The following SCLT1 variants were observed in gnomAD, a reference collection of about 807,000 sequenced individuals.
The protein encoded by SCLT1 is sodium channel-associated protein 1.
In SCLT1, 78 loss-of-function variants were observed where a neutral mutation model predicts 112.8. That is an observed-to-expected ratio of 0.69 (90% CI 0.58 to 0.83). The LOEUF (loss-of-function observed/expected upper bound fraction) is 0.83. Ranked by LOEUF, SCLT1 falls within the 40% of genes least tolerant of loss-of-function variation. The pLI is 0.00. For synonymous variants in SCLT1, 257 were observed against 254.7 expected (o/e 1.01, Z -0.09); for missense variants, 747 against 770.4 (o/e 0.97, Z 0.36).
At chr4:128,941,238 T>C (rs917941448) in intron 17 of SCLT1, among the ~76,000 whole-genome samples, 3 of 152,114 alleles carry the variant, frequency 2.0e-5, no homozygotes, top group Non-Finnish European at 2.9e-5. Context: ...AGGATGTATG[T>C]ATGTCTGGCT....
chr4:129,082,855 A>G (rs1579964044), intron 1 of SCLT1, among the ~76,000 whole-genome samples: 1 of 152,144 alleles, frequency 6.6e-6, no homozygotes, highest in East Asian at 1.9e-4. Context: ...GGTAAGAGAC[A>G]ATGGGGGAAG....
In SCLT1 at chr4:128,884,284, G is replaced by A. The variant is rs1732730115; in HGVS notation, c.*193C>T. On this transcript the variant is annotated 3_prime_UTR_variant, in exon 21 of 21. Coordinates refer to ENST00000281142, the MANE Select transcript of SCLT1 (RefSeq NM_144643.4). Reference sequence around the variant, plus strand: ...TTATTCTCCACTGAAGCTCAATATAGGATTATATTTTCTTTACTTACAGGA... The same window carrying A: ...TTATTCTCCACTGAAGCTCAATATAAGATTATATTTTCTTTACTTACAGGA... The A allele has an allele frequency of 2.1e-6, 1 of 474,668 alleles. No individual in the cohort carries two copies. The highest frequency in any genetic ancestry group is 3.7e-6 in the Non-Finnish European group (1 of 269,802). 29.4% of individuals were successfully genotyped at this position (474,668 alleles called of 1,614,324 possible).
intron 18 of SCLT1, among the ~76,000 whole-genome samples, chr4:128,903,274 T>C (rs1373738786): frequency 2.0e-5 from 3 of 151,700 alleles, no homozygotes; most frequent in Non-Finnish European, 4.4e-5. Flanking sequence ...TGCATTGCAC[T>C]AAGACATTAT....
chr4:129,060,927 C>G (rs1749908328), intron 2 of SCLT1, among the ~76,000 whole-genome samples: 1 of 151,984 alleles, frequency 6.6e-6, no homozygotes, highest in South Asian at 2.1e-4. Context: ...TGTAGAGTGC[C>G]CACAGAGCCA....
At chr4:129,016,669 T>G (rs1745021583) in intron 5 of SCLT1, among the ~76,000 whole-genome samples, 2 of 152,332 alleles carry the variant, frequency 1.3e-5, no homozygotes, top group South Asian at 4.1e-4. Context: ...GTTCTAGCTC[T>G]GTAAATTTGT....
chr4:128,986,386 T>G (rs1270741481), intron 9 of SCLT1, among the ~76,000 whole-genome samples: 3 of 152,088 alleles, frequency 2.0e-5, no homozygotes, highest in Non-Finnish European at 2.9e-5. Context: ...TGGAATAAAT[T>G]TAAGTGGCAG....
intron 10 of SCLT1, among the ~76,000 whole-genome samples, chr4:128,969,785 C>T (rs1740529164): frequency 1.3e-5 from 2 of 152,042 alleles, no homozygotes; most frequent in South Asian, 4.2e-4. Context: ...AAAATTTATC[C>T]AAGTTTTAAA....
At chr4:129,030,558 C>A (rs1746616450) in intron 5 of SCLT1, among the ~76,000 whole-genome samples, 1 of 151,856 alleles carries the variant, frequency 6.6e-6, no homozygotes, top group South Asian at 2.1e-4. Context: ...TATAGACGGA[C>A]CTCTAGCTCA....
At chr4:128,883,087 A>G (rs1488829689), downstream of SCLT1, among the ~76,000 whole-genome samples, 1 of 148,236 alleles carries the variant, frequency 6.7e-6, no homozygotes, top group East Asian at 2.0e-4. Flanking sequence ...CAGAGGTTGC[A>G]GTGAGCCGAG....
intron 6 of SCLT1, 66 bp from the exon 7 acceptor site, chr4:128,999,860 T>C: frequency 9.5e-7 from 1 of 1,057,188 alleles, no homozygotes; most frequent in Middle Eastern, 2.2e-4. Flanking sequence ...TACAAATGGA[T>C]CATTTTCTTT....
At chr4:128,881,653 A>G (rs1732642761), downstream of SCLT1, among the ~76,000 whole-genome samples, 1 of 152,186 alleles carries the variant, frequency 6.6e-6, no homozygotes, top group Non-Finnish European at 1.5e-5. Flanking sequence ...TTGCAGATCT[A>G]TATCATTTCT....
intron 2 of SCLT1, among the ~76,000 whole-genome samples, chr4:129,057,654 A>G (rs1298441819): frequency 6.7e-6 from 1 of 149,972 alleles, no homozygotes; most frequent in African/African-American, 2.5e-5. Flanking sequence ...TTAATCTTGG[A>G]GGGTTCTGGG....
At chr4:129,076,981 A>T (rs1336161388) in intron 2 of SCLT1, among the ~76,000 whole-genome samples, 2 of 152,082 alleles carry the variant, frequency 1.3e-5, no homozygotes, top group East Asian at 3.8e-4. Context: ...TAATGAGCCA[A>T]ATATTTAATA....
intron 5 of SCLT1, among the ~76,000 whole-genome samples, chr4:129,029,599 GC>G: frequency 6.6e-6 from 1 of 151,754 alleles, no homozygotes; most frequent in East Asian, 1.9e-4. Context: ...AATGGGTGCA[GC>G]ACACCAGCAT....
rs574226338 is a variant in SCLT1, at chr4:129,031,915, C to G, written c.290+7126G>C. On this transcript the variant is annotated intron_variant, in intron 5 of 20. Coordinates refer to ENST00000281142, the MANE Select transcript of SCLT1 (RefSeq NM_144643.4). ...TAGATTCAATGTTATTCCCATCAAG[C>G]TACCATTGACTTTCTTCACAGAATT... Among the ~76,000 whole-genome samples, 763 of 152,222 alleles carry G rather than the reference C, an allele frequency of 5.0e-3. 6 individuals are homozygous for G. Among genetic ancestry groups the G allele is most frequent in the African/African-American group, 0.017 (717 of 41,550 alleles).
chr4:129,082,732 A>G (rs1752050632), intron 1 of SCLT1, among the ~76,000 whole-genome samples: 1 of 152,234 alleles, frequency 6.6e-6, no homozygotes, highest in African/African-American at 2.4e-5. Context: ...CATTGGGAAG[A>G]TAAGCTATAG....
chr4:128,978,933 A>G (rs1489578875), intron 9 of SCLT1, among the ~76,000 whole-genome samples: 1 of 152,190 alleles, frequency 6.6e-6, no homozygotes, highest in Non-Finnish European at 1.5e-5. Flanking sequence ...CTCTGGTCCT[A>G]GAAATTACAG....
At chr4:128,880,375 A>G (rs1291434243), downstream of SCLT1, among the ~76,000 whole-genome samples, 4 of 152,192 alleles carry the variant, frequency 2.6e-5, no homozygotes, top group African/African-American at 7.2e-5. Context: ...TGTGGCTAGC[A>G]TTCATTGTAA....
At chr4:129,076,786 A>C (rs758982344) in intron 2 of SCLT1, among the ~76,000 whole-genome samples, 4 of 152,138 alleles carry the variant, frequency 2.6e-5, no homozygotes, top group Non-Finnish European at 5.9e-5. Context: ...ACCTAGTGCC[A>C]ACTACTGTAC....
Sources: allele counts gnomAD v4.1 joint callset (sites outside exome capture counted in the v4.1 genomes callset), GRCh38; gene constraint gnomAD v4.1.1; transcripts MANE v1.5; gene names NCBI Gene and HGNC (gene_info 2026-07-23, HGNC 2026-07-21).